BICD1: variants seen among roughly 807,000 people sequenced by gnomAD.
The protein encoded by BICD1 is BICD cargo adaptor 1, also known as protein bicaudal D homolog 1.
A neutral mutation model predicts 92.5 loss-of-function variants in BICD1; 35 were observed. The ratio of observed to expected loss-of-function variants is 0.38; its 90% CI spans 0.29 to 0.50. BICD1 has a LOEUF of 0.50. Ranked by LOEUF, BICD1 falls within the 20% of genes least tolerant of loss-of-function variation. The pLI, the probability that BICD1 is intolerant of heterozygous loss-of-function variation, is 0.93. For missense variants in BICD1, 950 were observed against 1,189.8 expected, an observed-to-expected ratio of 0.80 and a Z score of 2.97; for synonymous variants, 429 against 465.1, an observed-to-expected ratio of 0.92 and a Z score of 1.00.
intron 1 of BICD1, among the ~76,000 whole-genome samples, chr12:32,116,335 A>G (rs572800280): frequency 1.3e-5 from 2 of 152,100 alleles, no homozygotes; most frequent in South Asian, 2.1e-4. Context: ...GGGATCTTCC[A>G]TCAACTCTTT....
intron 1 of BICD1, among the ~76,000 whole-genome samples, chr12:32,121,775 A>G (rs1450830636): frequency 6.6e-6 from 1 of 151,510 alleles, no homozygotes; most frequent in African/African-American, 2.4e-5. Flanking sequence ...GGTTAATGAT[A>G]TAGTGATCTG....
intron 4 of BICD1, among the ~76,000 whole-genome samples, chr12:32,326,738 C>A (rs1264895236): frequency 6.6e-6 from 1 of 152,136 alleles, no homozygotes; most frequent in East Asian, 1.9e-4. Context: ...ACAAAATTAG[C>A]CAGGTGTGGT....
chr12:32,377,100 A>G (rs1431745505), intron 9 of BICD1, among the ~76,000 whole-genome samples: 1 of 152,102 alleles, frequency 6.6e-6, no homozygotes, highest in East Asian at 1.9e-4. Flanking sequence ...CTCAGATCTC[A>G]CCCCACACCT....
At chr12:32,324,970 C>G (rs952285899) in intron 4 of BICD1, among the ~76,000 whole-genome samples, 1 of 152,094 alleles carries the variant, frequency 6.6e-6, no homozygotes, top group African/African-American at 2.4e-5. Flanking sequence ...GCATTAGTGT[C>G]AACATTTCCA....
chr12:32,281,517 C>T (rs1947411281), intron 2 of BICD1, among the ~76,000 whole-genome samples: 1 of 152,060 alleles, frequency 6.6e-6, no homozygotes, highest in African/African-American at 2.4e-5. Flanking sequence ...GTAACCAACC[C>T]TAAGAGAGTT....
At chr12:32,295,181 T>C (rs762783682) in intron 3 of BICD1, among the ~76,000 whole-genome samples, 26 of 152,078 alleles carry the variant, frequency 1.7e-4, no homozygotes, top group Non-Finnish European at 2.9e-4. Flanking sequence ...ATTTTTTTGC[T>C]GTAATGGGGG....
intron 2 of BICD1, among the ~76,000 whole-genome samples, chr12:32,252,416 C>CG (rs1946591613): frequency 6.6e-6 from 1 of 151,732 alleles, no homozygotes; most frequent in Non-Finnish European, 1.5e-5. Context: ...TCTTACAAGT[C>CG]GGATAGTGGG....
intron 1 of BICD1, among the ~76,000 whole-genome samples, chr12:32,205,352 TC>T (rs1945018174): frequency 6.6e-6 from 1 of 152,058 alleles, no homozygotes; most frequent in African/African-American, 2.4e-5. Context: ...TTTAAAAAGC[TC>T]CCCAAGTGAT....
chr12:32,328,522 C>T lies in BICD1; in HGVS notation c.2067C>T (p.Ala689=). The change falls in exon 5 of 10, where the codon GCC becomes GCT. Residue 689 remains alanine, a synonymous_variant. Coordinates refer to ENST00000652176, the MANE Select transcript of BICD1 (RefSeq NM_001714.4). The surrounding 1 kb of genome is among the most constrained non-coding windows in gnomAD (Gnocchi z 4.4). ...TGAGCACCAAACGGGAGCAGATCGCCACATTGAGGGCGGTGTTGAAAGCCA... is the reference window on the plus strand; with the variant it reads ...TGAGCACCAAACGGGAGCAGATCGCTACATTGAGGGCGGTGTTGAAAGCCA... ...SLLSTKREQI[A]TLRAVLKANK... 1 of 1,613,722 alleles carries T rather than the reference C, an allele frequency of 6.2e-7. No homozygotes were observed. Among genetic ancestry groups the T allele is most frequent in the African/African-American group, 1.3e-5 (1 of 75,046 alleles).
chr12:32,285,859 A>C (rs1947549903), intron 2 of BICD1, among the ~76,000 whole-genome samples: 1 of 152,260 alleles, frequency 6.6e-6, no homozygotes, highest in African/African-American at 2.4e-5. Flanking sequence ...AAATTGTAGG[A>C]GATAAATGTA....
Position 32,106,883 on chromosome 12 carries a change from C to G in BICD1, c.-449C>G, listed in dbSNP as rs1041266647. The G allele has an allele frequency of 1.3e-5, 2 of 150,888 alleles. No homozygotes were observed. Among genetic ancestry groups the G allele is most frequent in the Admixed American group, 1.3e-4 (2 of 15,432 alleles). The allele number at this position is 150,888 out of a possible 1,614,324, so 9.3% of individuals were successfully genotyped here. A position where few individuals can be genotyped will look rare whatever the true frequency, so the allele number is the denominator to read the frequency against. On this transcript the variant is annotated 5_prime_UTR_variant, in exon 1 of 10. Coordinates refer to ENST00000652176, the MANE Select transcript of BICD1 (RefSeq NM_001714.4). ...CCGGCTGCTGCAGGGCCAGAGGGAG[C>G]AGGTGGAGCGAGAGAGCGAGCCGCG... is the stretch of plus-strand genomic sequence containing the variant.
Position 32,148,254 on chromosome 12 carries a change from G to A in BICD1, c.213+40710G>A, listed in dbSNP as rs191934626. ...GTCATTTCTGACAGGCCTGTGTTGT[G>A]GAGACAGACACACTAGGTTTTCAGA... On this transcript the variant is annotated intron_variant, in intron 1 of 9. Coordinates refer to ENST00000652176, the MANE Select transcript of BICD1 (RefSeq NM_001714.4). 2.6e-4 allele frequency among the ~76,000 whole-genome samples: 40 copies of A among 152,140 alleles called. 1 individual carries two copies. In the East Asian group the frequency reaches 7.5e-3, roughly 29 times the overall value.
chr12:32,218,765 A>G (rs938152396), intron 2 of BICD1, among the ~76,000 whole-genome samples: 5 of 152,172 alleles, frequency 3.3e-5, no homozygotes, highest in African/African-American at 1.2e-4. Flanking sequence ...TTTGTCTTCT[A>G]TGTGTGCCAA....
At chr12:32,216,505 A>AT (rs1247014670) in intron 2 of BICD1, 46 bp downstream of exon 2, 4 of 1,577,902 alleles carry the variant, frequency 2.5e-6, no homozygotes, top group Middle Eastern at 1.7e-4. Flanking sequence ...AGGGAGAAAT[A>AT]AGAAAGTTCT....
chr12:32,212,888 A>T (rs1945257792), intron 1 of BICD1, among the ~76,000 whole-genome samples: 1 of 152,192 alleles, frequency 6.6e-6, no homozygotes, highest in Non-Finnish European at 1.5e-5. Flanking sequence ...TTTAAGGCAG[A>T]GACTACATTT....
At position 32,162,510 on chromosome 12, in the gene BICD1, T is replaced by C. The variant is rs567115072; in HGVS notation, c.214-53737T>C. Among the ~76,000 whole-genome samples the C allele has an allele frequency of 1.8e-4, 27 of 152,208 alleles. 2 individuals carry two copies. The South Asian group carries it at 5.4e-3, about 30-fold the overall frequency. On this transcript the variant is annotated intron_variant, in intron 1 of 9. Coordinates refer to ENST00000652176, the MANE Select transcript of BICD1 (RefSeq NM_001714.4). ...GGAATCCATTTCCATATCTATAAAATGGGTATCATCTTTCTTCAAAATATG... is the reference window on the plus strand; with the variant it reads ...GGAATCCATTTCCATATCTATAAAACGGGTATCATCTTTCTTCAAAATATG...
At chr12:32,365,005 GTGGGTGGATCACCCGA>G (rs1939473163) in intron 8 of BICD1, among the ~76,000 whole-genome samples, 1 of 152,184 alleles carries the variant, frequency 6.6e-6, no homozygotes, top group Non-Finnish European at 1.5e-5. Flanking sequence ...AGAGGCCAAG[GTGGGTGGATCACCCGA>G]AGTCAGGAGT....
At chr12:32,373,859 G>A (rs574567486) in intron 9 of BICD1, among the ~76,000 whole-genome samples, 1 of 150,920 alleles carries the variant, frequency 6.6e-6, no homozygotes, top group South Asian at 2.1e-4. Context: ...CAGGCTGGGC[G>A]ACAGTTTGAG....
intron 1 of BICD1, among the ~76,000 whole-genome samples, chr12:32,211,678 G>A (rs1229683216): frequency 1.3e-5 from 2 of 148,202 alleles, no homozygotes; most frequent in Non-Finnish European, 3.0e-5. Flanking sequence ...CCAGTTTCCT[G>A]TACATAGAAA....
Sources: allele counts gnomAD v4.1 joint callset (sites outside exome capture counted in the v4.1 genomes callset), GRCh38; gene constraint gnomAD v4.1.1; non-coding constraint Gnocchi (gnomAD v3.1); transcripts MANE v1.5; gene names NCBI Gene and HGNC (gene_info 2026-07-23, HGNC 2026-07-21).